KDM3A: variants seen among roughly 807,000 people sequenced by gnomAD.
The protein encoded by KDM3A is lysine-specific demethylase 3A.
In KDM3A, 60 loss-of-function variants were observed where a neutral mutation model predicts 158.0. That is an observed-to-expected ratio of 0.38 (90% CI 0.31 to 0.47). The LOEUF (loss-of-function observed/expected upper bound fraction) is 0.47. KDM3A is among the 20% of genes least tolerant of loss of function. The pLI is 0.99. For missense variants in KDM3A, 1,319 were observed against 1,574.3 expected (o/e 0.84, Z 2.74); for synonymous variants, 608 against 549.3 (o/e 1.11, Z -1.49).
intron 11 of KDM3A, 127 bp from the exon 12 acceptor site, chr2:86,474,649 G>A (rs1221888520): frequency 6.3e-6 from 4 of 638,566 alleles, no homozygotes; most frequent in East Asian, 2.8e-5. Context: ...GGGTGACAGA[G>A]CGAGACTCCA....
At chr2:86,491,425 T>G (rs1398618783) in intron 25 of KDM3A, 150 bp downstream of exon 25, 2 of 699,064 alleles carry the variant, frequency 2.9e-6, no homozygotes, top group Non-Finnish European at 4.8e-6. Context: ...AGTACTACTA[T>G]CTACTTAAGT....
At chr2:86,452,388 A>T (rs1232272136) in intron 4 of KDM3A, among the ~76,000 whole-genome samples, 20 of 152,132 alleles carry the variant, frequency 1.3e-4, no homozygotes, top group Admixed American at 1.3e-3. Context: ...TTCAACAGAA[A>T]CACATAAAAC....
At chr2:86,457,504 A>G (rs1558611243) in intron 8 of KDM3A, among the ~76,000 whole-genome samples, 1 of 152,202 alleles carries the variant, frequency 6.6e-6, no homozygotes. Context: ...GATCTTGGCC[A>G]TAATTTCTAC....
At position 86,455,112 on chromosome 2, in the gene KDM3A, A is replaced by G; in HGVS notation, c.481A>G (p.Thr161Ala). 2 of 1,598,728 alleles carry G rather than the reference A, an allele frequency of 1.3e-6. No homozygotes were observed. Among genetic ancestry groups the G allele is most frequent in the Non-Finnish European group, 8.5e-7 (1 of 1,173,788 alleles). ...TGTAAACAGTCTTCGACTTTCTCTT[A>G]CGGATAATCAGATTGTCAGTAAAGA... ...QDVNSLRLSL[T>A]DNQIVSKEFQ... is the part of the protein sequence containing the mutation. The change falls in exon 5 of 26, where the codon ACG becomes GCG. Residue 161 changes from threonine (T) to alanine (A), a missense_variant. By Grantham distance (58) the Thr-to-Ala change is moderately conservative (BLOSUM62 0). Transcript: ENST00000312912.
chr2:86,492,292 T>G lies in KDM3A; in HGVS notation c.*173T>G. Reference sequence around the variant, plus strand: ...TGTTTACAGACAGTAAATGTGTATATGTAGTAACTATTTACAGAACATGCA... The same window carrying G: ...TGTTTACAGACAGTAAATGTGTATAGGTAGTAACTATTTACAGAACATGCA... On this transcript the variant is annotated 3_prime_UTR_variant, in exon 26 of 26. Transcript: ENST00000312912. The G allele has an allele frequency of 2.0e-5, 11 of 546,262 alleles. No individual in the cohort carries two copies. The South Asian group carries it at 2.9e-4, about 14-fold the overall frequency. The allele number at this position is 546,262 out of a possible 1,614,324, so 33.8% of individuals were successfully genotyped here. A position where few individuals can be genotyped will look rare whatever the true frequency, so the allele number is the denominator to read the frequency against.
chr2:86,491,302 T>G (rs1221242306), intron 25 of KDM3A, 27 bp downstream of exon 25: 12 of 1,610,022 alleles, frequency 7.5e-6, no homozygotes, highest in Admixed American at 1.7e-5. Flanking sequence ...TTCCTAGCAT[T>G]CTTTGGCTAT....
chr2:86,481,153 A>C (rs1379443019), intron 16 of KDM3A, among the ~76,000 whole-genome samples: 2 of 152,262 alleles, frequency 1.3e-5, no homozygotes, highest in African/African-American at 4.8e-5. Context: ...GATTTACAAA[A>C]AACTTCTTAA....
intron 6 of KDM3A, 92 bp downstream of exon 6, chr2:86,456,658 ATTAT>A: frequency 7.6e-7 from 1 of 1,322,228 alleles, no homozygotes; most frequent in Non-Finnish European, 1.1e-6. Context: ...AAATACCTTT[ATTAT>A]TTTATAGGGT....
intron 21 of KDM3A, chr2:86,486,812 G>A (rs1009592896): frequency 3.3e-5 from 5 of 152,346 alleles, no homozygotes; most frequent in Admixed American, 1.3e-4. Context: ...CACTAGGAGT[G>A]TAGTTGGGGA....
At chr2:86,459,068 A>G (rs1159634725) in intron 8 of KDM3A, among the ~76,000 whole-genome samples, 1 of 152,196 alleles carries the variant, frequency 6.6e-6, no homozygotes. Context: ...TAGGTAGAAC[A>G]AATGGAATGT....
In KDM3A at chr2:86,482,116, T is replaced by A; in HGVS notation, c.2685+14T>A. On this transcript the variant is annotated intron_variant, in intron 17 of 25. Coordinates refer to ENST00000312912, the MANE Select transcript of KDM3A (RefSeq NM_018433.6). ...TCTACAGGAAAGGTATGTGTTTGTT[T>A]GTTGGTATTCCATGTTTTAAAGTTG... is the stretch of plus-strand genomic sequence containing the variant. 6.6e-7 allele frequency: 1 copy of A among 1,522,492 alleles called. No individual in the cohort carries two copies. Among genetic ancestry groups the A allele is most frequent in the Non-Finnish European group, 9.1e-7 (1 of 1,100,602 alleles). The allele number at this position is 1,522,492 out of a possible 1,614,324, so 94.3% of individuals were successfully genotyped here. A position where few individuals can be genotyped will look rare whatever the true frequency, so the allele number is the denominator to read the frequency against.
intron 2 of KDM3A, chr2:86,443,658 T>A (rs186842976): frequency 6.6e-6 from 1 of 152,254 alleles, no homozygotes; most frequent in African/African-American, 2.4e-5. Flanking sequence ...CCCAGGAAGT[T>A]TTACTCCAGA....
intron 22 of KDM3A, 33 bp downstream of exon 22, chr2:86,489,470 CTT>C (rs1313283810): frequency 6.2e-7 from 1 of 1,612,520 alleles, no homozygotes; most frequent in Admixed American, 1.7e-5. Context: ...AGGGCTTACT[CTT>C]TGAGCCAGGG....
intron 11 of KDM3A, among the ~76,000 whole-genome samples, chr2:86,471,031 G>A (rs752339505): frequency 1.3e-5 from 2 of 152,054 alleles, no homozygotes; most frequent in Non-Finnish European, 2.9e-5. Flanking sequence ...TGGGTCAGAA[G>A]GTGTGTGTGT....
intron 17 of KDM3A, 128 bp from the exon 18 acceptor site, chr2:86,482,330 G>T (rs977761891): frequency 1.4e-6 from 2 of 1,455,010 alleles, no homozygotes; most frequent in Middle Eastern, 2.6e-4. Flanking sequence ...GACAGGGGAC[G>T]TACCTTTTTG....
At chr2:86,473,460 T>C (rs941809121) in intron 11 of KDM3A, among the ~76,000 whole-genome samples, 1 of 152,182 alleles carries the variant, frequency 6.6e-6, no homozygotes, top group Non-Finnish European at 1.5e-5. Flanking sequence ...TACTGTACTT[T>C]TAGGCTGGGT....
chr2:86,443,037 A>T (rs1359572915), intron 2 of KDM3A: 1 of 152,148 alleles, frequency 6.6e-6, no homozygotes, highest in Non-Finnish European at 1.5e-5. Flanking sequence ...TAATAGAAGT[A>T]TTGATGTGAA....
intron 18 of KDM3A, 172 bp from the exon 19 acceptor site, chr2:86,483,815 T>C (rs1674053128): frequency 1.8e-6 from 1 of 548,076 alleles, no homozygotes; most frequent in Non-Finnish European, 3.2e-6. Context: ...ATGGTGAAGG[T>C]TGGAGGTGCT....
chr2:86,463,355 T>C (rs2104657713), intron 8 of KDM3A, among the ~76,000 whole-genome samples: 1 of 152,334 alleles, frequency 6.6e-6, no homozygotes, highest in South Asian at 2.1e-4. Context: ...CCTTTCTTTT[T>C]TATGGTGGGA....
Sources: allele counts gnomAD v4.1 joint callset (sites outside exome capture counted in the v4.1 genomes callset), GRCh38; gene constraint gnomAD v4.1.1; transcripts MANE v1.5; gene names NCBI Gene and HGNC (gene_info 2026-07-23, HGNC 2026-07-21).